The following NBEA variants were observed in gnomAD, a reference collection of about 807,000 sequenced individuals.
The protein encoded by NBEA is lysosomal-trafficking regulator 2.
NBEA carries 44 observed loss-of-function variants against 343.4 expected under a neutral mutation model. The observed-to-expected ratio is 0.13, with a 90% CI of 0.10 to 0.16. The LOEUF is 0.16. NBEA is among the 10% of genes least tolerant of loss of function. NBEA has a pLI of 1.00. For synonymous variants in NBEA, 1,175 were observed against 1,238.7 expected (o/e 0.95, Z 1.08); for missense variants, 2,555 against 3,631.3 (o/e 0.70, Z 7.62).
At chr13:35,475,679 C>CTGCCACCATCTT (rs1566189822) in intron 41 of NBEA, 1 of 1,613,908 alleles carries the variant, frequency 6.2e-7, no homozygotes, top group Admixed American at 1.7e-5. Context: ...TCGCTGGTGT[C>CTGCCACCATCTT]TGCCACCATC....
chr13:35,288,897 C>G (rs1010135031), intron 34 of NBEA, among the ~76,000 whole-genome samples: 4 of 152,014 alleles, frequency 2.6e-5, no homozygotes, highest in Non-Finnish European at 5.9e-5. Flanking sequence ...TCCCTAGAAC[C>G]TGAGCATGAG....
chr13:35,425,824 G>T (rs1445481888), intron 38 of NBEA, among the ~76,000 whole-genome samples: 1 of 152,062 alleles, frequency 6.6e-6, no homozygotes, highest in African/African-American at 2.4e-5. Context: ...TATGAATCTG[G>T]GTGCTCCTGT....
In NBEA at chr13:34,973,302, G is replaced by T. The variant is rs375642546; in HGVS notation, c.294+30188G>T. 2.0e-4 allele frequency among the ~76,000 whole-genome samples: 31 copies of T among 152,282 alleles called. No homozygotes were observed. The East Asian group carries it at 5.4e-3, about 27-fold the overall frequency. Reference sequence around the variant, plus strand: ...GGATTGGAGACCTGCTAAGGAAGCAGCCTGGCCACACTTTCATAGAGCAGC... The same window carrying T: ...GGATTGGAGACCTGCTAAGGAAGCATCCTGGCCACACTTTCATAGAGCAGC... On this transcript the variant is annotated intron_variant, in intron 1 of 58. Transcript: ENST00000379939.
rs117061520 is a variant in NBEA, at chr13:35,669,402, T to C, written c.8813+883T>C. Among the ~76,000 whole-genome samples, 691 of 152,302 alleles carry C rather than the reference T, an allele frequency of 4.5e-3. 7 individuals are homozygous for C. Among genetic ancestry groups the C allele is most frequent in the Non-Finnish European group, 7.6e-3 (520 of 68,024 alleles). On this transcript the variant is annotated intron_variant, in intron 58 of 58. Coordinates refer to ENST00000379939, the MANE Select transcript of NBEA (RefSeq NM_001385012.1). Reference sequence around the variant, plus strand: ...ATAACAGTATTGGTTTTAAAATATTTTAAATATTAAGACATAATAAAGTTA... The same window carrying C: ...ATAACAGTATTGGTTTTAAAATATTCTAAATATTAAGACATAATAAAGTTA...
intron 41 of NBEA, among the ~76,000 whole-genome samples, chr13:35,547,023 G>A (rs570457079): frequency 6.6e-6 from 1 of 152,248 alleles, no homozygotes; most frequent in South Asian, 2.1e-4. Context: ...GCTCTATCAG[G>A]TTTTCCTAGC....
chr13:35,147,984 C>A (rs1317289308), intron 18 of NBEA, among the ~76,000 whole-genome samples: 1 of 152,184 alleles, frequency 6.6e-6, no homozygotes, highest in African/African-American at 2.4e-5. Flanking sequence ...GAGAGTTACC[C>A]TTGGCTTTGA....
intron 40 of NBEA, among the ~76,000 whole-genome samples, chr13:35,468,343 T>C (rs2075487956): frequency 6.6e-6 from 1 of 152,160 alleles, no homozygotes; most frequent in Middle Eastern, 3.2e-3. Context: ...AAAACAACTT[T>C]ATAATTTTGA....
At chr13:35,034,678 G>T (rs2062373064) in intron 1 of NBEA, among the ~76,000 whole-genome samples, 1 of 151,670 alleles carries the variant, frequency 6.6e-6, no homozygotes, top group Non-Finnish European at 1.5e-5. Flanking sequence ...TTTCTTTACT[G>T]GGAGACTTTT....
At chr13:35,257,967 A>C (rs969200302) in intron 34 of NBEA, among the ~76,000 whole-genome samples, 1 of 152,144 alleles carries the variant, frequency 6.6e-6, no homozygotes, top group Non-Finnish European at 1.5e-5. Flanking sequence ...CCAAAATGGA[A>C]TTTTGACTCA....
At chr13:35,549,153 A>G (rs1388415158) in intron 41 of NBEA, among the ~76,000 whole-genome samples, 1 of 152,198 alleles carries the variant, frequency 6.6e-6, no homozygotes, top group Non-Finnish European at 1.5e-5. Flanking sequence ...ACTGCCTCCA[A>G]AAACCTTTCA....
At chr13:35,424,295 A>G (rs878900135) in intron 38 of NBEA, among the ~76,000 whole-genome samples, 1 of 152,116 alleles carries the variant, frequency 6.6e-6, no homozygotes, top group African/African-American at 2.4e-5. Flanking sequence ...TTTGTCTTAG[A>G]TAGCTCTTAT....
intron 10 of NBEA, among the ~76,000 whole-genome samples, chr13:35,089,759 A>G (rs1392763847): frequency 6.7e-6 from 1 of 149,030 alleles, no homozygotes; most frequent in African/African-American, 2.5e-5. Context: ...TGTCCTTTGT[A>G]GGGACATGGA....
At chr13:35,224,907 G>C (rs2074567775) in intron 33 of NBEA, among the ~76,000 whole-genome samples, 2 of 152,098 alleles carry the variant, frequency 1.3e-5, no homozygotes, top group Admixed American at 1.3e-4. Flanking sequence ...AGGCTTTTGT[G>C]AGAGGGGTTG....
At chr13:34,981,806 A>C (rs1405442424) in intron 1 of NBEA, among the ~76,000 whole-genome samples, 1 of 151,566 alleles carries the variant, frequency 6.6e-6, no homozygotes, top group Non-Finnish European at 1.5e-5. Context: ...GTGTCAGTAA[A>C]TTGTGTTTTG....
At chr13:35,093,621 A>AT (rs2065192156) in intron 10 of NBEA, among the ~76,000 whole-genome samples, 1 of 152,006 alleles carries the variant, frequency 6.6e-6, no homozygotes, top group Non-Finnish European at 1.5e-5. Flanking sequence ...GCATTAGAGT[A>AT]TGCATAAATA....
intron 48 of NBEA, among the ~76,000 whole-genome samples, chr13:35,622,101 T>G (rs2083019697): frequency 6.6e-6 from 1 of 152,142 alleles, no homozygotes; most frequent in African/African-American, 2.4e-5. Flanking sequence ...AAGCAAACAC[T>G]GAACTTGAGT....
At chr13:34,957,245 A>G (rs2152488379) in intron 1 of NBEA, among the ~76,000 whole-genome samples, 1 of 152,234 alleles carries the variant, frequency 6.6e-6, no homozygotes, top group East Asian at 1.9e-4. Context: ...CTGTATTTTC[A>G]TAGTATTCCA....
At chr13:34,964,800 C>T (rs960344346) in intron 1 of NBEA, among the ~76,000 whole-genome samples, 19 of 152,046 alleles carry the variant, frequency 1.2e-4, no homozygotes, top group African/African-American at 3.9e-4. Context: ...TTAGTAGGTA[C>T]GTGCTTGATC....
chr13:35,215,576 AAG>A (rs2074021769), intron 33 of NBEA, among the ~76,000 whole-genome samples: 1 of 151,720 alleles, frequency 6.6e-6, no homozygotes, highest in African/African-American at 2.4e-5. Context: ...AAACTGAAAA[AAG>A]GGGATAATTT....
Sources: gnomAD v4.1 joint callset for allele counts (sites outside exome capture counted in the v4.1 genomes callset) on GRCh38, gnomAD v4.1.1 for gene constraint, MANE v1.5 for transcripts, NCBI Gene and HGNC (gene_info 2026-07-23, HGNC 2026-07-21) for gene names.